Variants in ADD3 observed in about 807,000 individuals in gnomAD.
ADD3 encodes the protein adducin 3, also known as gamma-adducin.
ADD3 carries 25 observed loss-of-function variants against 80.2 expected under a neutral mutation model. The ratio of observed to expected loss-of-function variants is 0.31; its 90% CI spans 0.23 to 0.44. ADD3 has a LOEUF of 0.44. Ranked by LOEUF, ADD3 falls within the 20% of genes least tolerant of loss-of-function variation. The pLI is 1.00. For missense variants in ADD3, 829 were observed against 847.5 expected (o/e 0.98, Z 0.27); for synonymous variants, 284 against 289.6 (o/e 0.98, Z 0.20).
chr10:110,006,387 C>G (rs1473523954), upstream of ADD3, among the ~76,000 whole-genome samples: 1 of 152,132 alleles, frequency 6.6e-6, no homozygotes, highest in Non-Finnish European at 1.5e-5. Flanking sequence ...GCATGCAAAG[C>G]TTTTCATTTT....
intron 1 of ADD3, among the ~76,000 whole-genome samples, chr10:110,022,589 G>A (rs1051748896): frequency 9.9e-5 from 15 of 152,092 alleles, no homozygotes; most frequent in African/African-American, 3.6e-4. Context: ...TTGAATGGCT[G>A]CATAGTCATA....
At chr10:110,003,766 A>G (rs1447031467), upstream of ADD3, among the ~76,000 whole-genome samples, 1 of 152,168 alleles carries the variant, frequency 6.6e-6, no homozygotes, top group Non-Finnish European at 1.5e-5. Flanking sequence ...ATTTGTGGCT[A>G]CAATTTAATT....
At chr10:110,005,761 G>C (rs912143182), upstream of ADD3, 1 of 152,000 alleles carries the variant, frequency 6.6e-6, no homozygotes, top group Non-Finnish European at 1.5e-5. Context: ...CAACCACCCA[G>C]TTAATTTTAA....
chr10:110,075,821 T>C (rs1240808081), intron 1 of ADD3: 2 of 152,186 alleles, frequency 1.3e-5, no homozygotes, highest in African/African-American at 4.8e-5. Flanking sequence ...TGTTAGACTA[T>C]GAGAAGAGTA....
At chr10:110,036,065 C>T (rs909535712) in intron 1 of ADD3, among the ~76,000 whole-genome samples, 7 of 151,936 alleles carry the variant, frequency 4.6e-5, no homozygotes, top group African/African-American at 9.7e-5. Context: ...GCAGGAGAAT[C>T]GCTTGAACTC....
chr10:110,092,948 C>T (rs1404336004), intron 1 of ADD3, among the ~76,000 whole-genome samples: 2 of 152,148 alleles, frequency 1.3e-5, no homozygotes, highest in East Asian at 1.9e-4. Context: ...CAACCTCCAC[C>T]TCCTGGGTTC....
At chr10:110,111,328 A>G (rs1175943818) in intron 2 of ADD3, among the ~76,000 whole-genome samples, 1 of 152,222 alleles carries the variant, frequency 6.6e-6, no homozygotes, top group Non-Finnish European at 1.5e-5. Context: ...AAGAACCTTC[A>G]TCTTTAAAAC....
chr10:110,119,392 GC>G, intron 7 of ADD3, 38 bp downstream of exon 7: 4 of 1,612,606 alleles, frequency 2.5e-6, no homozygotes, highest in Non-Finnish European at 3.4e-6. Context: ...TATTTTTGTT[GC>G]TGCTGCTGTT....
intron 2 of ADD3, among the ~76,000 whole-genome samples, chr10:110,108,981 C>T (rs1364379990): frequency 6.6e-6 from 1 of 152,142 alleles, no homozygotes; most frequent in Non-Finnish European, 1.5e-5. Flanking sequence ...GCTTATACAT[C>T]GCTCTATGAC....
At chr10:110,048,281 T>C (rs925881175) in intron 1 of ADD3, among the ~76,000 whole-genome samples, 1 of 152,210 alleles carries the variant, frequency 6.6e-6, no homozygotes, top group Non-Finnish European at 1.5e-5. Flanking sequence ...CTTTATGAAC[T>C]ATCCAGCCTT....
chr10:110,094,113 C>T (rs957209426), intron 1 of ADD3, among the ~76,000 whole-genome samples: 11 of 152,104 alleles, frequency 7.2e-5, no homozygotes, highest in Admixed American at 4.6e-4. Flanking sequence ...GCTAGGCAAA[C>T]GGACCATTAA....
intron 1 of ADD3, chr10:110,079,426 AT>A (rs1379749613): frequency 4.2e-5 from 5 of 118,628 alleles, no homozygotes; most frequent in Non-Finnish European, 3.4e-5. Context: ...CAAAAAAATG[AT>A]GAGAGAGAGA....
At chr10:110,041,455 G>A (rs1856350341) in intron 1 of ADD3, among the ~76,000 whole-genome samples, 1 of 152,044 alleles carries the variant, frequency 6.6e-6, no homozygotes, top group African/African-American at 2.4e-5. Context: ...CATTGAATAA[G>A]GTATCAGACC....
intron 13 of ADD3, 93 bp downstream of exon 13, chr10:110,130,579 G>A: frequency 7.3e-7 from 1 of 1,377,132 alleles, no homozygotes; most frequent in Non-Finnish European, 1.0e-6. Context: ...AGTGTGGCCG[G>A]GCACAATGGC....
chr10:110,117,871 C>T (rs1378861327), intron 5 of ADD3, among the ~76,000 whole-genome samples: 1 of 152,050 alleles, frequency 6.6e-6, no homozygotes, highest in Non-Finnish European at 1.5e-5. Flanking sequence ...AAAAAATTAG[C>T]TGGGCGTGGT....
intron 1 of ADD3, among the ~76,000 whole-genome samples, chr10:110,009,668 T>G (rs1852096609): frequency 6.6e-6 from 1 of 152,176 alleles, no homozygotes; most frequent in African/African-American, 2.4e-5. Context: ...CAGATTAACT[T>G]TATGGAAGGA....
At chr10:110,129,988 G>C (rs966743035) in intron 12 of ADD3, among the ~76,000 whole-genome samples, 2 of 151,828 alleles carry the variant, frequency 1.3e-5, no homozygotes, top group Non-Finnish European at 2.9e-5. Flanking sequence ...AACTACTTTT[G>C]GTACAGTTTC....
intron 1 of ADD3, among the ~76,000 whole-genome samples, chr10:110,095,560 C>T (rs1288806429): frequency 1.3e-5 from 2 of 152,192 alleles, no homozygotes; most frequent in African/African-American, 4.8e-5. Context: ...CCTTTTATTG[C>T]CATGTAATAT....
intron 2 of ADD3, among the ~76,000 whole-genome samples, chr10:110,103,599 C>A (rs1018417015): frequency 1.3e-5 from 2 of 152,178 alleles, no homozygotes; most frequent in African/African-American, 4.8e-5. Context: ...GTCACTTCTG[C>A]CATATTTATT....
Sources: gnomAD v4.1 joint callset for allele counts (sites outside exome capture counted in the v4.1 genomes callset) on GRCh38, gnomAD v4.1.1 for gene constraint, MANE v1.5 for transcripts, NCBI Gene and HGNC (gene_info 2026-07-23, HGNC 2026-07-21) for gene names.